Variants in NRG4 observed in about 807,000 individuals in gnomAD.
NRG4 encodes neuregulin 4.
Under a neutral mutation model 15.0 loss-of-function variants are expected in NRG4, and 10 were observed. The observed-to-expected ratio is 0.67, with a 90% CI of 0.41 to 1.13. The LOEUF (loss-of-function observed/expected upper bound fraction) is 1.13. NRG4 is among the 50% of genes most tolerant of loss of function. The pLI, the probability that NRG4 is intolerant of heterozygous loss-of-function variation, is 0.00. For missense variants in NRG4, 139 were observed against 140.2 expected (o/e 0.99, Z 0.04); for synonymous variants, 41 against 50.1 (o/e 0.82, Z 0.77).
chr15:76,017,314 T>G (rs534678346), upstream of NRG4, among the ~76,000 whole-genome samples: 47 of 152,134 alleles, frequency 3.1e-4, no homozygotes, highest in Non-Finnish European at 5.1e-4. Context: ...CTGTGTCTTT[T>G]AATTGGGGCA....
At position 76,027,002 on chromosome 15, in the gene NRG4, G is replaced by A. The variant is rs950062126; in HGVS notation, c.-57+8942C>T. ...TGGGGCATGGTGGCGGGTGCCTGTA[G>A]TCCTAGCTACTCAGGAGCTGAGGCA... On this transcript the variant is annotated intron_variant, in intron 5 of 8. Coordinates refer to the NRG4 transcript ENST00000563910. Among the ~76,000 whole-genome samples, 11 of 152,174 alleles carry A rather than the reference G, an allele frequency of 7.2e-5. No homozygotes were observed. In the East Asian group the frequency reaches 1.9e-3, roughly 27 times the overall value.
rs1005295614 is a variant in NRG4, at chr15:75,977,250, T to A, written c.105-15276A>T. Among the ~76,000 whole-genome samples the A allele has an allele frequency of 6.6e-6, 1 of 152,182 alleles. No homozygotes were observed. Among genetic ancestry groups the A allele is most frequent in the Non-Finnish European group, 1.5e-5 (1 of 68,026 alleles). On this transcript the variant is annotated intron_variant, in intron 3 of 5. Transcript: ENST00000394907. The surrounding 1 kb of genome is among the most constrained non-coding windows in gnomAD (Gnocchi z 4.9). Reference sequence around the variant, plus strand: ...AATTTCAAGCCAGTGGACTTTAGCTTGCTGGCCTCCATGGGGGTGGGATCC... The same window carrying A: ...AATTTCAAGCCAGTGGACTTTAGCTAGCTGGCCTCCATGGGGGTGGGATCC...
intron 3 of NRG4, among the ~76,000 whole-genome samples, chr15:75,971,721 G>A (rs1473929715): frequency 6.6e-6 from 1 of 152,076 alleles, no homozygotes; most frequent in Non-Finnish European, 1.5e-5. Context: ...GACTTCTAGT[G>A]CTTTAAAGGT....
rs2030967284 is a variant in NRG4, at chr15:75,941,654, A to G, written c.*1984T>C. ...ACCTTTCAGACATTAAGTAAATCACAAAAGGACAATACTATATGAATCCAC... is the reference window on the plus strand; with the variant it reads ...ACCTTTCAGACATTAAGTAAATCACGAAAGGACAATACTATATGAATCCAC... On this transcript the variant is annotated 3_prime_UTR_variant, in exon 6 of 6. Coordinates refer to ENST00000394907, the MANE Select transcript of NRG4 (RefSeq NM_138573.4). 6.6e-6 allele frequency: 1 copy of G among 152,206 alleles called. No individual in the cohort carries two copies. The highest frequency in any genetic ancestry group is 6.5e-5 in the Admixed American group (1 of 15,280). 9.4% of individuals were successfully genotyped at this position (152,206 alleles called of 1,614,324 possible). A position where few individuals can be genotyped will look rare whatever the true frequency, so the allele number is the denominator to read the frequency against.
chr15:76,044,038 G>A (rs1006362836), intron 4 of NRG4, among the ~76,000 whole-genome samples: 76 of 152,070 alleles, frequency 5.0e-4, no homozygotes, highest in African/African-American at 1.7e-3. Flanking sequence ...TCGCCCAGGC[G>A]GGACTGCGGA....
rs565617073 is a variant in NRG4 at position 75,963,278 on chromosome 15, A to G, written c.105-1304T>C. ...GCAGTCTAGATTCTCCTAAACTACC[A>G]TAAAGATAAGATTAAGGGGACATAG... is the stretch of plus-strand genomic sequence containing the variant. On this transcript the variant is annotated intron_variant, in intron 3 of 5. Coordinates refer to ENST00000394907, the MANE Select transcript of NRG4 (RefSeq NM_138573.4). Among the ~76,000 whole-genome samples, 393 of 152,310 alleles carry G rather than the reference A, an allele frequency of 2.6e-3. 1 individual carries two copies. Among genetic ancestry groups the G allele is most frequent in the Non-Finnish European group, 3.0e-3 (204 of 68,018 alleles).
intron 3 of NRG4, among the ~76,000 whole-genome samples, chr15:76,003,600 A>G (rs1248016784): frequency 6.6e-6 from 1 of 152,212 alleles, no homozygotes; most frequent in Non-Finnish European, 1.5e-5. Flanking sequence ...AATGAACTCC[A>G]AGTAAGATGA....
At chr15:75,994,914 C>CT (rs2034154060) in intron 3 of NRG4, among the ~76,000 whole-genome samples, 2 of 152,144 alleles carry the variant, frequency 1.3e-5, no homozygotes, top group Non-Finnish European at 2.9e-5. Flanking sequence ...TGGCTTATGC[C>CT]TGTAATCCCA....
rs182193686 is a variant in NRG4, at chr15:76,031,308, G to A, written c.-57+4636C>T. 2.5e-3 allele frequency among the ~76,000 whole-genome samples: 381 copies of A among 152,252 alleles called. 3 individuals carry two copies. The highest frequency in any genetic ancestry group is 8.8e-3 in the African/African-American group (365 of 41,524). The stretch of plus-strand genomic sequence containing the variant: ...CCTTTCCCCTAAGATTAGAAACAAG[G>A]CAAAGAAGTCCAATTTCACTATTTC... On this transcript the variant is annotated intron_variant, in intron 5 of 8. Coordinates refer to the NRG4 transcript ENST00000563910.
At chr15:75,948,133 C>G (rs1313542099) in intron 5 of NRG4, among the ~76,000 whole-genome samples, 1 of 152,046 alleles carries the variant, frequency 6.6e-6, no homozygotes, top group Non-Finnish European at 1.5e-5. Context: ...CTGATAGTGT[C>G]TTTTGATGTG....
At chr15:75,979,619 A>C (rs957710151) in intron 3 of NRG4, among the ~76,000 whole-genome samples, 8 of 152,148 alleles carry the variant, frequency 5.3e-5, no homozygotes, top group Non-Finnish European at 1.0e-4. Context: ...TGCTGGCCCC[A>C]AAAAATGTTG....
intron 4 of NRG4, among the ~76,000 whole-genome samples, chr15:76,039,613 A>G (rs1375924183): frequency 6.6e-6 from 1 of 152,214 alleles, no homozygotes; most frequent in East Asian, 1.9e-4. Flanking sequence ...TACATTATCT[A>G]GAAAATAGCC....
chr15:75,997,110 A>G (rs76466466), intron 3 of NRG4, among the ~76,000 whole-genome samples: 9,613 of 152,214 alleles, frequency 0.063, 358 homozygotes, highest in Middle Eastern at 0.086. Context: ...ATTTAATGAG[A>G]GAAAAAAATA....
At chr15:76,059,934 G>T (rs1045823112), upstream of NRG4, 1 of 148,078 alleles carries the variant, frequency 6.8e-6, no homozygotes, top group East Asian at 2.0e-4. Context: ...GAGGGGGCGG[G>T]GGGGCGGAGA....
At chr15:76,019,932 G>A (rs899355310) in intron 5 of NRG4, among the ~76,000 whole-genome samples, 1 of 152,130 alleles carries the variant, frequency 6.6e-6, no homozygotes, top group Non-Finnish European at 1.5e-5. Context: ...AAAGGCTTGT[G>A]GCAACCCTGT....
intron 5 of NRG4, among the ~76,000 whole-genome samples, chr15:76,018,430 C>A (rs1459855487): frequency 6.6e-6 from 1 of 152,162 alleles, no homozygotes; most frequent in African/African-American, 2.4e-5. Flanking sequence ...AATTTTCAGC[C>A]TTTTTGTGCT....
chr15:75,984,963 G>T (rs1324220058), intron 3 of NRG4, among the ~76,000 whole-genome samples: 1 of 152,068 alleles, frequency 6.6e-6, no homozygotes, highest in Non-Finnish European at 1.5e-5. Flanking sequence ...TTGTGCTTCA[G>T]CCTCCCATGT....
At chr15:76,038,272 C>A (rs2035643027) in intron 4 of NRG4, among the ~76,000 whole-genome samples, 1 of 152,224 alleles carries the variant, frequency 6.6e-6, no homozygotes, top group African/African-American at 2.4e-5. Flanking sequence ...TAAGTACAAG[C>A]TCTACCACAA....
intron 4 of NRG4, among the ~76,000 whole-genome samples, chr15:76,050,772 T>C (rs543324462): frequency 6.8e-6 from 1 of 147,736 alleles, no homozygotes; most frequent in East Asian, 2.0e-4. Flanking sequence ...GCTCAGCAAC[T>C]TGGACTTTTC....
Sources: allele counts gnomAD v4.1 joint callset (sites outside exome capture counted in the v4.1 genomes callset), GRCh38; gene constraint gnomAD v4.1.1; non-coding constraint Gnocchi (gnomAD v3.1); transcripts MANE v1.5; gene names NCBI Gene and HGNC (gene_info 2026-07-23, HGNC 2026-07-21).